Variants in USH2A observed in about 807,000 individuals in gnomAD.
USH2A encodes the protein usherin.
In USH2A, 443 loss-of-function variants were observed where a neutral mutation model predicts 538.9. That is an observed-to-expected ratio of 0.82 (90% CI 0.76 to 0.89). The LOEUF (loss-of-function observed/expected upper bound fraction) is 0.89. Among genes scored for constraint, USH2A ranks in the 40% least tolerant of loss-of-function variants. USH2A has a pLI of 0.00. For synonymous variants in USH2A, 2,413 were observed against 2,273.5 expected, an observed-to-expected ratio of 1.06 and a Z score of -1.75; for missense variants, 6,633 against 6,324.8, an observed-to-expected ratio of 1.05 and a Z score of -1.65.
intron 3 of USH2A, among the ~76,000 whole-genome samples, chr1:216,390,701 T>A (rs1558067540): frequency 6.6e-6 from 1 of 152,170 alleles, no homozygotes; most frequent in Non-Finnish European, 1.5e-5. Context: ...ATTTGGTAAA[T>A]AAATGTGGAT....
intron 69 of USH2A, among the ~76,000 whole-genome samples, chr1:215,638,618 C>CA (rs373591243): frequency 0.47 from 40,976 of 87,328 alleles, 8,918 homozygotes; most frequent in South Asian, 0.73. Context: ...GACTCTGTCT[C>CA]AAAAAAAAAA....
At chr1:216,335,126 T>A (rs1185598554) in intron 4 of USH2A, among the ~76,000 whole-genome samples, 3 of 151,540 alleles carry the variant, frequency 2.0e-5, no homozygotes, top group Non-Finnish European at 4.4e-5. Flanking sequence ...ATAGAAAAAA[T>A]TAGAAATCAA....
chr1:216,165,148 T>A (rs1245698944), intron 21 of USH2A, among the ~76,000 whole-genome samples: 1 of 152,184 alleles, frequency 6.6e-6, no homozygotes, highest in African/African-American at 2.4e-5. Context: ...TGATCACTGT[T>A]GTTTTTAAAG....
chr1:216,320,105 G>A (rs1168257249), intron 9 of USH2A, among the ~76,000 whole-genome samples: 1 of 152,134 alleles, frequency 6.6e-6, no homozygotes, highest in Non-Finnish European at 1.5e-5. Context: ...CAAATCTCAT[G>A]TTGAAATGTG....
chr1:215,893,169 C>T (rs1449805880), intron 40 of USH2A, among the ~76,000 whole-genome samples: 2 of 152,108 alleles, frequency 1.3e-5, no homozygotes, highest in African/African-American at 2.4e-5. Context: ...TTTACAGGTA[C>T]ATTATCAAAA....
chr1:215,898,647 G>C (rs918403944), intron 40 of USH2A, among the ~76,000 whole-genome samples: 1 of 152,126 alleles, frequency 6.6e-6, no homozygotes, highest in Non-Finnish European at 1.5e-5. Context: ...TCTGCAGTGG[G>C]TTGAATAATT....
intron 38 of USH2A, among the ~76,000 whole-genome samples, chr1:215,931,190 T>A (rs571399716): frequency 2.3e-4 from 35 of 152,144 alleles, no homozygotes; most frequent in Non-Finnish European, 1.9e-4. Flanking sequence ...AAGTTATTAG[T>A]AGCACCATCT....
chr1:216,259,454 A>G (rs1316387650), intron 11 of USH2A, among the ~76,000 whole-genome samples: 4 of 152,114 alleles, frequency 2.6e-5, no homozygotes, highest in Admixed American at 2.6e-4. Context: ...ATTAAATTAT[A>G]ATGAAGCTGA....
At chr1:215,956,152 C>A (rs1305812980) in intron 37 of USH2A, among the ~76,000 whole-genome samples, 1 of 152,168 alleles carries the variant, frequency 6.6e-6, no homozygotes, top group Admixed American at 6.5e-5. Context: ...CTACCAAAAT[C>A]TAAACACTGA....
intron 11 of USH2A, among the ~76,000 whole-genome samples, chr1:216,279,202 G>T (rs114159410): frequency 0.016 from 2,365 of 151,826 alleles, 58 homozygotes; most frequent in African/African-American, 0.054. Context: ...TATATTTTTG[G>T]TTTTCACACA....
chr1:215,670,001 G>A (rs1472995353), intron 64 of USH2A, among the ~76,000 whole-genome samples: 1 of 152,168 alleles, frequency 6.6e-6, no homozygotes, highest in East Asian at 1.9e-4. Flanking sequence ...CAGTCAGTAA[G>A]CTTTCTTTGA....
At chr1:216,213,549 G>T (rs1372787098) in intron 15 of USH2A, among the ~76,000 whole-genome samples, 2 of 151,868 alleles carry the variant, frequency 1.3e-5, no homozygotes, top group African/African-American at 4.8e-5. Context: ...ATGAAATAAA[G>T]AACTTAGATG....
At chr1:215,667,349 A>T (rs550866862) in intron 64 of USH2A, among the ~76,000 whole-genome samples, 7 of 151,984 alleles carry the variant, frequency 4.6e-5, no homozygotes, top group Non-Finnish European at 8.8e-5. Context: ...TGCTCATTTA[A>T]TTTCCCTCTT....
At chr1:215,711,153 T>C (rs959156718) in intron 61 of USH2A, among the ~76,000 whole-genome samples, 1 of 152,230 alleles carries the variant, frequency 6.6e-6, no homozygotes, top group Admixed American at 6.5e-5. Context: ...AATTAAAATA[T>C]TGAATTCATA....
chr1:216,017,592 A>T (rs2102498319), intron 32 of USH2A, among the ~76,000 whole-genome samples: 1 of 152,340 alleles, frequency 6.6e-6, no homozygotes, highest in South Asian at 2.1e-4. Flanking sequence ...GTTAGGCAAC[A>T]GAAGTTAATA....
intron 3 of USH2A, among the ~76,000 whole-genome samples, chr1:216,415,962 C>A (rs758955560): frequency 6.6e-6 from 1 of 151,920 alleles, no homozygotes; most frequent in East Asian, 1.9e-4. Context: ...GTCAGGAATT[C>A]GAGACCAGCC....
At chr1:216,197,019 T>C (rs2034863176) in intron 18 of USH2A, among the ~76,000 whole-genome samples, 1 of 152,158 alleles carries the variant, frequency 6.6e-6, no homozygotes, top group Admixed American at 6.5e-5. Flanking sequence ...TAGGAAATTA[T>C]AAGTCTTACG....
At chr1:215,847,029 A>G (rs1014467377) in intron 44 of USH2A, among the ~76,000 whole-genome samples, 5 of 152,184 alleles carry the variant, frequency 3.3e-5, no homozygotes, top group Non-Finnish European at 7.3e-5. Flanking sequence ...AAAGATACCA[A>G]AATCAATCAC....
chr1:215,985,860 GT>G, intron 35 of USH2A, among the ~76,000 whole-genome samples: 1 of 151,858 alleles, frequency 6.6e-6, no homozygotes, highest in African/African-American at 2.4e-5. Context: ...TGAGCCAAAT[GT>G]TTTTTTTAAA....
Sources: gnomAD v4.1 joint callset for allele counts (sites outside exome capture counted in the v4.1 genomes callset) on GRCh38, gnomAD v4.1.1 for gene constraint, MANE v1.5 for transcripts, NCBI Gene and HGNC (gene_info 2026-07-23, HGNC 2026-07-21) for gene names.